LRRTM4: variants seen among roughly 807,000 people sequenced by gnomAD.
LRRTM4 encodes the protein leucine-rich repeat transmembrane neuronal protein 4.
A neutral mutation model predicts 47.6 loss-of-function variants in LRRTM4; 25 were observed. The ratio of observed to expected loss-of-function variants is 0.53; its 90% CI spans 0.38 to 0.73. The LOEUF (loss-of-function observed/expected upper bound fraction) is 0.73. Ranked by LOEUF, LRRTM4 falls within the 30% of genes least tolerant of loss-of-function variation. The probability of loss-of-function intolerance (pLI) is 0.00; values close to 1 mark genes in which losing one functional copy is unlikely to be tolerated. For synonymous variants in LRRTM4, 311 were observed against 269.5 expected (o/e 1.15, Z -1.51); for missense variants, 638 against 713.4 (o/e 0.89, Z 1.20).
At chr2:76,993,936 T>C (rs1488819975) in intron 3 of LRRTM4, among the ~76,000 whole-genome samples, 2 of 151,860 alleles carry the variant, frequency 1.3e-5, no homozygotes, top group Non-Finnish European at 2.9e-5. Context: ...TAACATAAAA[T>C]GAAAACATAT....
At chr2:76,993,388 C>T (rs1596913) in intron 3 of LRRTM4, among the ~76,000 whole-genome samples, 76,531 of 151,626 alleles carry the variant, frequency 0.5, 20,020 homozygotes, top group African/African-American at 0.64. Context: ...ATCTAGAATC[C>T]ATAAGGAACT....
At chr2:77,098,246 T>G (rs1670862883) in intron 3 of LRRTM4, among the ~76,000 whole-genome samples, 1 of 152,044 alleles carries the variant, frequency 6.6e-6, no homozygotes, top group Non-Finnish European at 1.5e-5. Context: ...TGGGAGAACT[T>G]ATCCTGTCTC....
chr2:77,333,302 G>A (rs1406003370), intron 3 of LRRTM4, among the ~76,000 whole-genome samples: 9 of 152,196 alleles, frequency 5.9e-5, no homozygotes, highest in Non-Finnish European at 8.8e-5. Context: ...GTAACAGGCA[G>A]AGGTTGGAAC....
At chr2:77,053,034 G>A (rs189068376) in intron 3 of LRRTM4, among the ~76,000 whole-genome samples, 3 of 152,120 alleles carry the variant, frequency 2.0e-5, no homozygotes, top group African/African-American at 7.2e-5. Context: ...AACATAGTTC[G>A]GGTAAAATGG....
intron 3 of LRRTM4, among the ~76,000 whole-genome samples, chr2:77,002,443 A>G (rs1677467785): frequency 6.6e-6 from 1 of 152,192 alleles, no homozygotes; most frequent in Non-Finnish European, 1.5e-5. Flanking sequence ...AATAAATAGT[A>G]TATGGGTCTG....
chr2:77,432,367 T>G (rs1158535720), intron 3 of LRRTM4, among the ~76,000 whole-genome samples: 2 of 152,184 alleles, frequency 1.3e-5, no homozygotes, highest in Non-Finnish European at 2.9e-5. Context: ...AACATATTAA[T>G]TTAGGCAACA....
intron 3 of LRRTM4, among the ~76,000 whole-genome samples, chr2:77,357,345 C>T (rs186008162): frequency 2.6e-5 from 4 of 152,248 alleles, no homozygotes; most frequent in Admixed American, 2.0e-4. Flanking sequence ...CTATTTCCCA[C>T]AATGCATTAT....
At chr2:76,935,077 A>T (rs1447814845) in intron 3 of LRRTM4, among the ~76,000 whole-genome samples, 4 of 152,210 alleles carry the variant, frequency 2.6e-5, no homozygotes, top group African/African-American at 9.7e-5. Flanking sequence ...GTAATAATAC[A>T]ATCAATGCAA....
intron 3 of LRRTM4, among the ~76,000 whole-genome samples, chr2:76,851,774 T>TC (rs1553419750): frequency 1.7e-5 from 2 of 120,432 alleles, no homozygotes; most frequent in Non-Finnish European, 3.5e-5. Context: ...TTTTTTTTTT[T>TC]TGACATTCTC....
At chr2:76,932,651 T>C (rs1325988587) in intron 3 of LRRTM4, among the ~76,000 whole-genome samples, 25 of 152,100 alleles carry the variant, frequency 1.6e-4, no homozygotes, top group Non-Finnish European at 5.9e-5. Flanking sequence ...ATTTCTAAAA[T>C]ATTTTCTAAA....
At chr2:77,343,200 A>G (rs1416579210) in intron 3 of LRRTM4, among the ~76,000 whole-genome samples, 1 of 151,980 alleles carries the variant, frequency 6.6e-6, no homozygotes, top group Non-Finnish European at 1.5e-5. Flanking sequence ...AGCTCTACAG[A>G]CACAGGTAAA....
intron 3 of LRRTM4, among the ~76,000 whole-genome samples, chr2:77,003,645 T>C (rs1391758295): frequency 6.6e-6 from 1 of 152,176 alleles, no homozygotes; most frequent in African/African-American, 2.4e-5. Flanking sequence ...CTTCCCTTTA[T>C]AAATTACCCA....
At chr2:76,858,363 A>T (rs967730407) in intron 3 of LRRTM4, among the ~76,000 whole-genome samples, 2 of 152,202 alleles carry the variant, frequency 1.3e-5, no homozygotes, top group African/African-American at 4.8e-5. Context: ...TCCGACCTGA[A>T]GTCAAACAGA....
intron 3 of LRRTM4, among the ~76,000 whole-genome samples, chr2:77,380,822 G>A (rs1281455664): frequency 2.0e-5 from 3 of 150,882 alleles, no homozygotes; most frequent in African/African-American, 4.9e-5. Context: ...AAAGACTTAC[G>A]GTACACTATA....
At chr2:77,267,237 G>C (rs903196069) in intron 3 of LRRTM4, among the ~76,000 whole-genome samples, 5 of 152,112 alleles carry the variant, frequency 3.3e-5, no homozygotes, top group African/African-American at 1.2e-4. Flanking sequence ...ATCTAGAAAG[G>C]CCACTTGCCT....
intron 3 of LRRTM4, among the ~76,000 whole-genome samples, chr2:76,912,653 G>A (rs1484443708): frequency 6.6e-6 from 1 of 152,212 alleles, no homozygotes; most frequent in Admixed American, 6.5e-5. Flanking sequence ...ATGTCATGAA[G>A]AATTGTAATC....
At chr2:77,445,456 C>G (rs1225360668) in intron 3 of LRRTM4, among the ~76,000 whole-genome samples, 1 of 151,904 alleles carries the variant, frequency 6.6e-6, no homozygotes, top group African/African-American at 2.4e-5. Context: ...TGTTATTTCT[C>G]TTTTGCTCGC....
chr2:77,383,099 T>G (rs981727898), intron 3 of LRRTM4, among the ~76,000 whole-genome samples: 1 of 152,050 alleles, frequency 6.6e-6, no homozygotes, highest in African/African-American at 2.4e-5. Flanking sequence ...TCAAATTAAG[T>G]ACAGAAATTA....
intron 3 of LRRTM4, among the ~76,000 whole-genome samples, chr2:77,060,225 A>C (rs1370544240): frequency 1.3e-5 from 2 of 152,226 alleles, no homozygotes; most frequent in African/African-American, 4.8e-5. Context: ...CTTAGAAAAA[A>C]GCCTGTAAAT....
Sources: allele counts gnomAD v4.1 joint callset (sites outside exome capture counted in the v4.1 genomes callset), GRCh38; gene constraint gnomAD v4.1.1; transcripts MANE v1.5; gene names NCBI Gene and HGNC (gene_info 2026-07-23, HGNC 2026-07-21).